The following RBBP5 variants were observed in gnomAD, a reference collection of about 807,000 sequenced individuals.
The protein encoded by RBBP5 is RB binding protein 5, histone lysine methyltransferase complex subunit, also known as retinoblastoma-binding protein 5.
In RBBP5, 5 loss-of-function variants were observed where a neutral mutation model predicts 72.2. The ratio of observed to expected loss-of-function variants is 0.07; its 90% confidence interval spans 0.04 to 0.15. The LOEUF is 0.15. RBBP5 is among the 10% of genes least tolerant of loss of function. The probability of loss-of-function intolerance (pLI) is 1.00; values close to 1 mark genes in which losing one functional copy is unlikely to be tolerated. For synonymous variants in RBBP5, 209 were observed against 237.2 expected (o/e 0.88, Z 1.09); for missense variants, 322 against 652.2 (o/e 0.49, Z 5.51).
Position 205,088,701 on chromosome 1 carries a change from T to G in RBBP5, c.*86A>C. The G allele has an allele frequency of 2.1e-6, 3 of 1,421,334 alleles. No individual in the cohort carries two copies. Among genetic ancestry groups the G allele is most frequent in the Non-Finnish European group, 2.9e-6 (3 of 1,030,026 alleles). 88.0% of individuals were successfully genotyped at this position (1,421,334 alleles called of 1,614,324 possible). A position where few individuals can be genotyped will look rare whatever the true frequency, so the allele number is the denominator to read the frequency against. The stretch of plus-strand genomic sequence containing the variant: ...GGGAGGCACAGGCCTTTGTTTTAAA[T>G]TAAAGTCAATTTTCAAATGACTGAC... On this transcript the variant is annotated 3_prime_UTR_variant, in exon 14 of 14. Coordinates refer to ENST00000264515, the MANE Select transcript of RBBP5 (RefSeq NM_005057.4).
At chr1:205,096,982 T>C in intron 11 of RBBP5, 71 bp from the exon 12 acceptor site, 1 of 1,343,596 alleles carries the variant, frequency 7.4e-7, no homozygotes, top group Non-Finnish European at 1.0e-6. Flanking sequence ...GAGCCCTTCC[T>C]CTATCACCTA....
At chr1:205,121,495 C>G (rs985968119) in intron 1 of RBBP5, among the ~76,000 whole-genome samples, 1 of 152,204 alleles carries the variant, frequency 6.6e-6, no homozygotes, top group African/African-American at 2.4e-5. Context: ...GCACCCAATT[C>G]CCTGACAAGT....
At chr1:205,115,742 T>C in intron 2 of RBBP5, 116 bp downstream of exon 2, 1 of 1,296,800 alleles carries the variant, frequency 7.7e-7, no homozygotes, top group Non-Finnish European at 1.0e-6. Context: ...ATAAGATATA[T>C]TATCACACTT....
intron 1 of RBBP5, among the ~76,000 whole-genome samples, chr1:205,121,297 T>C (rs1419742725): frequency 6.6e-6 from 1 of 152,214 alleles, no homozygotes; most frequent in Non-Finnish European, 1.5e-5. Context: ...ACACCGTCCC[T>C]AGCAAAGGAC....
At chr1:205,102,469 A>G (rs1475870058) in intron 5 of RBBP5, among the ~76,000 whole-genome samples, 1 of 152,148 alleles carries the variant, frequency 6.6e-6, no homozygotes, top group Non-Finnish European at 1.5e-5. Flanking sequence ...CAAATTCATA[A>G]AGAGAGAAGG....
chr1:205,117,427 G>A (rs61822616), intron 1 of RBBP5, among the ~76,000 whole-genome samples: 151,814 of 151,830 alleles, frequency 1, 75,899 homozygotes, highest in Middle Eastern at 1. Context: ...TTGGGAAGCT[G>A]AGGCAGGTGG....
intron 13 of RBBP5, among the ~76,000 whole-genome samples, chr1:205,089,998 C>T (rs1396021947): frequency 6.6e-6 from 1 of 152,062 alleles, no homozygotes; most frequent in African/African-American, 2.4e-5. Context: ...ATTATAGGCG[C>T]CCACCACCAT....
chr1:205,115,210 T>C (rs534025029), intron 2 of RBBP5, among the ~76,000 whole-genome samples: 1 of 152,296 alleles, frequency 6.6e-6, no homozygotes, highest in African/African-American at 2.4e-5. Flanking sequence ...TTGTATAAAC[T>C]TTCTGGAGGG....
intron 1 of RBBP5, among the ~76,000 whole-genome samples, chr1:205,117,619 C>A (rs1656577649): frequency 6.6e-6 from 1 of 151,660 alleles, no homozygotes; most frequent in Admixed American, 6.6e-5. Flanking sequence ...GAGGTCACAC[C>A]ATTGCACTCC....
intron 13 of RBBP5, among the ~76,000 whole-genome samples, 176 bp from the exon 14 acceptor site, chr1:205,088,991 A>G (rs528717798): frequency 2.6e-5 from 4 of 152,300 alleles, no homozygotes; most frequent in African/African-American, 9.6e-5. Flanking sequence ...TATTGAACAA[A>G]AAACAATCCA....
chr1:205,093,513 TATATATATATATATATATATACACAC>T (rs1355051749), intron 13 of RBBP5, among the ~76,000 whole-genome samples: 26 of 9,950 alleles, frequency 2.6e-3, no homozygotes, highest in African/African-American at 7.7e-3. Flanking sequence ...TATATATATA[TATATATATATATATATATATACACAC>T]ACACACACAC....
At chr1:205,112,269 G>A (rs994454397) in intron 3 of RBBP5, among the ~76,000 whole-genome samples, 11 of 152,086 alleles carry the variant, frequency 7.2e-5, no homozygotes, top group Admixed American at 5.2e-4. Context: ...AGTGAGCCGA[G>A]ATCGCACCAC....
intron 10 of RBBP5, 38 bp downstream of exon 10, chr1:205,098,951 C>T (rs962740604): frequency 7.6e-7 from 1 of 1,308,478 alleles, no homozygotes; most frequent in African/African-American, 1.5e-5. Flanking sequence ...CAATCATTTT[C>T]CCTTTAGGAA....
chr1:205,096,195 A>AAAAAT (rs1202218098), intron 12 of RBBP5, among the ~76,000 whole-genome samples: 2 of 152,136 alleles, frequency 1.3e-5, no homozygotes, highest in South Asian at 2.1e-4. Context: ...CCTGTCTCAA[A>AAAAAT]AAAATAAAAT....
intron 5 of RBBP5, 138 bp from the exon 6 acceptor site, chr1:205,101,847 G>T: frequency 1.8e-6 from 1 of 551,688 alleles, no homozygotes. Context: ...CTGATTAACT[G>T]GTATTGCTGT....
intron 13 of RBBP5, among the ~76,000 whole-genome samples, chr1:205,093,909 T>C (rs941621728): frequency 1.3e-5 from 2 of 152,146 alleles, no homozygotes; most frequent in East Asian, 1.9e-4. Flanking sequence ...AATACAACCA[T>C]TGATACGTTA....
intron 13 of RBBP5, among the ~76,000 whole-genome samples, chr1:205,093,413 C>A (rs1433663051): frequency 2.1e-5 from 3 of 141,588 alleles, no homozygotes. Context: ...GAGCTGAGAT[C>A]GCACCACTGC....
chr1:205,094,605 A>G (rs1361264480), intron 13 of RBBP5, among the ~76,000 whole-genome samples: 1 of 152,232 alleles, frequency 6.6e-6, no homozygotes, highest in African/African-American at 2.4e-5. Flanking sequence ...CATCTTCCCC[A>G]GAAAAATATT....
Position 205,103,841 on chromosome 1 carries a change from C to T in RBBP5, c.522+16G>A, listed in dbSNP as rs1249716954. 6.2e-7 allele frequency: 1 copy of T among 1,602,026 alleles called. No individual in the cohort carries two copies. Among genetic ancestry groups the T allele is most frequent in the Non-Finnish European group, 8.5e-7 (1 of 1,169,890 alleles). Reference sequence around the variant, plus strand: ...CCAGTGTACAAGATGCCTGATTTGCCAGCTTTTAGGCTTACCTTGCCTTTT... The same window carrying T: ...CCAGTGTACAAGATGCCTGATTTGCTAGCTTTTAGGCTTACCTTGCCTTTT... On this transcript the variant is annotated intron_variant, in intron 5 of 13. Coordinates refer to ENST00000264515, the MANE Select transcript of RBBP5 (RefSeq NM_005057.4).
Sources: gnomAD v4.1 joint callset for allele counts (sites outside exome capture counted in the v4.1 genomes callset) on GRCh38, gnomAD v4.1.1 for gene constraint, MANE v1.5 for transcripts, NCBI Gene and HGNC (gene_info 2026-07-23, HGNC 2026-07-21) for gene names.